PIEZO2: variants seen among roughly 807,000 people sequenced by gnomAD.
PIEZO2 encodes piezo-type mechanosensitive ion channel component 2.
PIEZO2 carries 172 observed loss-of-function variants against 337.3 expected under a neutral mutation model. That is an observed-to-expected ratio of 0.51 (90% CI 0.45 to 0.58). The LOEUF is 0.58. Among genes scored for constraint, PIEZO2 ranks in the 20% least tolerant of loss-of-function variants. The pLI, the probability that PIEZO2 is intolerant of heterozygous loss-of-function variation, is 0.00. For missense variants in PIEZO2, 3,028 were observed against 3,391.3 expected (o/e 0.89, Z 2.66); for synonymous variants, 1,251 against 1,228.5 (o/e 1.02, Z -0.38).
intron 4 of PIEZO2, among the ~76,000 whole-genome samples, chr18:10,904,884 A>G (rs904501635): frequency 2.0e-5 from 3 of 152,266 alleles, no homozygotes; most frequent in Non-Finnish European, 4.4e-5. Context: ...CAAAGTGTGA[A>G]CACAGAAGCC....
intron 5 of PIEZO2, among the ~76,000 whole-genome samples, chr18:10,868,580 T>C (rs72973138): frequency 0.35 from 53,168 of 152,106 alleles, 9,330 homozygotes; most frequent in South Asian, 0.37. Context: ...TAATTATATT[T>C]AGTATTTTCA....
intron 3 of PIEZO2, among the ~76,000 whole-genome samples, chr18:10,914,636 T>G (rs1385825185): frequency 4.6e-5 from 7 of 152,194 alleles, no homozygotes; most frequent in South Asian, 4.1e-4. Context: ...TTGAATTTGT[T>G]GGTGCAGAAC....
At chr18:11,013,079 A>C (rs2035961150) in intron 2 of PIEZO2, among the ~76,000 whole-genome samples, 1 of 152,172 alleles carries the variant, frequency 6.6e-6, no homozygotes, top group Non-Finnish European at 1.5e-5. Flanking sequence ...TTTTCACATC[A>C]AATATTTTAT....
chr18:11,136,254 G>T (rs192649496), intron 1 of PIEZO2, among the ~76,000 whole-genome samples: 1 of 152,218 alleles, frequency 6.6e-6, no homozygotes, highest in Admixed American at 6.5e-5. Context: ...TGGCAACCAC[G>T]ATGATGCTTT....
chr18:10,794,282 T>C lies in PIEZO2; in HGVS notation c.1758+490A>G, dbSNP rs1178581223. On this transcript the variant is annotated intron_variant, in intron 13 of 55. Transcript: ENST00000674853. The surrounding 1 kb of genome is among the most constrained non-coding windows in gnomAD (Gnocchi z 6.6). ...AGATAAGAACATATCATATAATCAG[T>C]AGAAGAAAAACAGCAAGTGTCATAC... Among the ~76,000 whole-genome samples, 6 of 152,042 alleles carry C rather than the reference T, an allele frequency of 3.9e-5. No homozygotes were observed. The highest frequency in any genetic ancestry group is 1.5e-5 in the Non-Finnish European group (1 of 68,004).
rs1407791459 is a variant in PIEZO2, at chr18:10,691,361, C to T, written c.7213G>A (p.Ala2405Thr). 6.2e-7 allele frequency: 1 copy of T among 1,612,412 alleles called. No homozygotes were observed. The highest frequency in any genetic ancestry group is 1.1e-5 in the South Asian group (1 of 90,610). Reference protein sequence around the residue: ...TERKFSQNLVAQLWYFVKCVY... With the variant: ...TERKFSQNLVTQLWYFVKCVY... ...CATTTCACAAAGTACCAAAGCTGGG[C>T]AACCAGGTTCTGGCTGAATTTCCTA... The change falls in exon 48 of 56, where the codon GCC (alanine) becomes ACC (threonine). Residue 2405 changes from alanine (A) to threonine (T), a missense_variant. Transcript: ENST00000674853.
chr18:10,728,263 TGGA>T (rs2036620435), intron 36 of PIEZO2: 1 of 152,630 alleles, frequency 6.6e-6, no homozygotes, highest in African/African-American at 2.4e-5. Flanking sequence ...GTCCCTCACA[TGGA>T]GGAGGGCAAA....
intron 3 of PIEZO2, among the ~76,000 whole-genome samples, chr18:10,926,912 T>A (rs2031771414): frequency 6.6e-6 from 1 of 152,260 alleles, no homozygotes; most frequent in African/African-American, 2.4e-5. Flanking sequence ...TTATCATATA[T>A]GTCCAAGTAA....
At position 10,705,739 on chromosome 18, in the gene PIEZO2, TG is replaced by T; in HGVS notation, c.5595del (p.Thr1866ArgfsTer63). 1 of 1,524,006 alleles carries T rather than the reference TG, an allele frequency of 6.6e-7. No individual in the cohort carries two copies. Among genetic ancestry groups the T allele is most frequent in the Non-Finnish European group, 8.8e-7 (1 of 1,138,842 alleles). The allele number at this position is 1,524,006 out of a possible 1,614,324, so 94.4% of individuals were successfully genotyped here. A position where few individuals can be genotyped will look rare whatever the true frequency, so the allele number is the denominator to read the frequency against. On this transcript the variant is annotated frameshift_variant, in exon 41 of 56. Transcript: ENST00000674853. LOFTEE classifies it high-confidence loss of function. ...CGTGAGTACAGCATGGTACACTGCG[TG>T]GGCTCGCTGTTGGGAGAAAGCGTGG... is the stretch of plus-strand genomic sequence containing the variant. ...ADSGSLASSEPTQCTMLYSRQ... is the reference protein window; with the variant it reads ...ADSGSLASSEXTQCTMLYSRQ...
At chr18:10,696,564 C>T in intron 45 of PIEZO2, 25 bp from the exon 46 acceptor site, 1 of 1,611,894 alleles carries the variant, frequency 6.2e-7, no homozygotes, top group Non-Finnish European at 8.5e-7. Context: ...CCCCCACCCC[C>T]AACCCACTTG....
chr18:10,803,856 C>A lies in PIEZO2; in HGVS notation c.1200+19G>T. The stretch of plus-strand genomic sequence containing the variant: ...AACAGAAAAATTAGGGAACGGAAAT[C>A]CCTTTCATCATGGCTTACTTTTCTC... On this transcript the variant is annotated intron_variant, in intron 9 of 55. Transcript: ENST00000674853. The A allele has an allele frequency of 1.3e-6, 2 of 1,535,690 alleles. No individual in the cohort carries two copies. Among genetic ancestry groups the A allele is most frequent in the Non-Finnish European group, 1.7e-6 (2 of 1,146,444 alleles).
intron 5 of PIEZO2, among the ~76,000 whole-genome samples, chr18:10,858,336 A>ACAAAAC (rs576393545): frequency 7.3e-6 from 1 of 137,284 alleles, no homozygotes; most frequent in Non-Finnish European, 1.5e-5. Flanking sequence ...AAAAAAAAAA[A>ACAAAAC]AAAAAAAAAA....
rs544288002 is a variant in PIEZO2, at chr18:10,917,119, T to C, written c.287-5891A>G. The stretch of plus-strand genomic sequence containing the variant: ...AGGGGGAGTTCGTTCTGTACAAATA[T>C]ACATAGACAAAAGGTCGGTCACCCA... On this transcript the variant is annotated intron_variant, in intron 3 of 55. Transcript: ENST00000674853. Among the ~76,000 whole-genome samples, 179 of 44,694 alleles carry C rather than the reference T, an allele frequency of 4.0e-3. 4 individuals are homozygous for C. The highest frequency in any genetic ancestry group is 5.9e-3 in the Non-Finnish European group (144 of 24,438). 29.3% of individuals were successfully genotyped at this position (44,694 alleles called of 152,430 possible). A position where few individuals can be genotyped will look rare whatever the true frequency, so the allele number is the denominator to read the frequency against.
At chr18:10,753,458 T>C (rs2037722586) in intron 27 of PIEZO2, among the ~76,000 whole-genome samples, 1 of 152,202 alleles carries the variant, frequency 6.6e-6, no homozygotes, top group Non-Finnish European at 1.5e-5. Context: ...CCTGCTGCTT[T>C]CCTCATGGAA....
intron 2 of PIEZO2, among the ~76,000 whole-genome samples, chr18:11,018,996 A>C (rs989719196): frequency 2.6e-5 from 4 of 152,186 alleles, no homozygotes; most frequent in African/African-American, 7.2e-5. Flanking sequence ...CCCAAAATTC[A>C]GGACGGAGCC....
rs529299317 is a variant in PIEZO2, at chr18:10,671,861, T to C, written c.8346-82A>G. ...AAAGCATGTCTAAAAGAAAAAAATATTACTTTCCCTCAAATTCTGTAGAAG... is the reference window on the plus strand; with the variant it reads ...AAAGCATGTCTAAAAGAAAAAAATACTACTTTCCCTCAAATTCTGTAGAAG... On this transcript the variant is annotated intron_variant, in intron 55 of 55. Transcript: ENST00000674853. 4.9e-5 allele frequency: 61 copies of C among 1,244,176 alleles called. No homozygotes were observed. In the African/African-American group the frequency reaches 8.0e-4, roughly 16 times the overall value. 77.1% of individuals were successfully genotyped at this position (1,244,176 alleles called of 1,614,324 possible). A position where few individuals can be genotyped will look rare whatever the true frequency, so the allele number is the denominator to read the frequency against.
At chr18:10,840,369 G>A (rs1311490685) in intron 7 of PIEZO2, among the ~76,000 whole-genome samples, 1 of 152,020 alleles carries the variant, frequency 6.6e-6, no homozygotes, top group Non-Finnish European at 1.5e-5. Context: ...GTTTAGAAGG[G>A]TAAAATATTG....
chr18:10,698,023 T>G, intron 44 of PIEZO2, 143 bp from the exon 45 acceptor site: 1 of 84,030 alleles, frequency 1.2e-5, no homozygotes, highest in Non-Finnish European at 1.6e-5. Context: ...GGCCTTGGGA[T>G]TTGTCCTCAA....
chr18:10,689,929 C>T, intron 48 of PIEZO2, 127 bp from the exon 49 acceptor site: 1 of 1,122,636 alleles, frequency 8.9e-7, no homozygotes, highest in Non-Finnish European at 1.2e-6. Flanking sequence ...TCTAGGTGAC[C>T]CTTCCAGTAA....
Sources: gnomAD v4.1 joint callset for allele counts (sites outside exome capture counted in the v4.1 genomes callset) on GRCh38, gnomAD v4.1.1 for gene constraint, Gnocchi (gnomAD v3.1) non-coding constraint, MANE v1.5 for transcripts, NCBI Gene and HGNC (gene_info 2026-07-23, HGNC 2026-07-21) for gene names.